The following METTL15 variants were observed in gnomAD, a reference collection of about 807,000 sequenced individuals.
The protein encoded by METTL15 is methyltransferase 15, mitochondrial 12S rRNA N4-cytidine.
A neutral mutation model predicts 38.3 loss-of-function variants in METTL15; 34 were observed. The observed-to-expected ratio is 0.89, with a 90% CI of 0.68 to 1.18. METTL15 has a LOEUF of 1.18. Ranked by LOEUF, METTL15 falls within the 50% of genes most tolerant of loss-of-function variation. METTL15 has a pLI of 0.00. For synonymous variants in METTL15, 162 were observed against 170.9 expected (o/e 0.95, Z 0.41); for missense variants, 438 against 498.4 (o/e 0.88, Z 1.15).
At chr11:28,519,983 T>G (rs1256735769) in intron 6 of METTL15, among the ~76,000 whole-genome samples, 2 of 152,112 alleles carry the variant, frequency 1.3e-5, no homozygotes, top group African/African-American at 4.8e-5. Flanking sequence ...AAAGCACCAG[T>G]TTTTAGCATA....
At chr11:28,232,595 A>G (rs963987600) in intron 4 of METTL15, among the ~76,000 whole-genome samples, 2 of 151,804 alleles carry the variant, frequency 1.3e-5, no homozygotes, top group Non-Finnish European at 2.9e-5. Flanking sequence ...ACGTTTATTT[A>G]TTTTGTGTCT....
At chr11:28,238,216 C>T (rs1332949244) in intron 4 of METTL15, among the ~76,000 whole-genome samples, 4 of 152,236 alleles carry the variant, frequency 2.6e-5, no homozygotes, top group Non-Finnish European at 4.4e-5. Context: ...GAGGTGGAGC[C>T]TACAGAGGCA....
chr11:28,171,472 C>A (rs748188589), intron 3 of METTL15, among the ~76,000 whole-genome samples: 2 of 152,068 alleles, frequency 1.3e-5, no homozygotes, highest in Non-Finnish European at 2.9e-5. Context: ...TTTTTAAAAA[C>A]GTAACTGGAA....
chr11:28,286,641 G>C (rs1856274153), intron 4 of METTL15, among the ~76,000 whole-genome samples: 1 of 152,102 alleles, frequency 6.6e-6, no homozygotes, highest in South Asian at 2.1e-4. Context: ...TAACAAAACA[G>C]TAGTGAGTTC....
intron 6 of METTL15, among the ~76,000 whole-genome samples, chr11:28,312,968 G>GC (rs1015728858): frequency 4.2e-5 from 6 of 143,484 alleles, no homozygotes; most frequent in South Asian, 2.2e-4. Flanking sequence ...CATAGGACTT[G>GC]TTTTTTTTTT....
At chr11:28,287,156 ATGTGTG>A (rs150235421) in intron 4 of METTL15, 6,089 of 140,540 alleles carry the variant, frequency 0.043, 254 homozygotes, top group African/African-American at 0.11. Context: ...GAGAGAGACA[ATGTGTG>A]TGTGTGTGTG....
chr11:28,312,105 T>C (rs894267357), intron 6 of METTL15, among the ~76,000 whole-genome samples: 1 of 152,214 alleles, frequency 6.6e-6, no homozygotes, highest in South Asian at 2.1e-4. Context: ...ACTCTTAGGA[T>C]AGGCGGCCAA....
At chr11:28,433,524 G>A (rs527273319) in intron 6 of METTL15, among the ~76,000 whole-genome samples, 7 of 152,212 alleles carry the variant, frequency 4.6e-5, no homozygotes, top group African/African-American at 1.4e-4. Flanking sequence ...TGTTTTCCAA[G>A]GATACTGTAA....
chr11:28,299,260 A>G (rs949492079), intron 6 of METTL15, among the ~76,000 whole-genome samples: 4 of 150,454 alleles, frequency 2.7e-5, no homozygotes, highest in African/African-American at 9.8e-5. Flanking sequence ...AAAATGAAGT[A>G]AGCCTTTAAA....
chr11:28,223,505 A>C (rs918313335), intron 4 of METTL15, among the ~76,000 whole-genome samples: 1 of 152,200 alleles, frequency 6.6e-6, no homozygotes, highest in African/African-American at 2.4e-5. Flanking sequence ...TGCAACCTGT[A>C]GTAGGGCACA....
intron 3 of METTL15, among the ~76,000 whole-genome samples, chr11:28,184,225 A>AT (rs1473186448): frequency 4.0e-5 from 6 of 151,454 alleles, no homozygotes; most frequent in African/African-American, 1.2e-4. Flanking sequence ...GGATTCGTTG[A>AT]TTTTTTTGAA....
rs565303044 is a variant in METTL15 at position 28,157,767 on chromosome 11, G to A, written c.270+44163G>A. Among the ~76,000 whole-genome samples, 12 of 152,156 alleles carry A rather than the reference G, an allele frequency of 7.9e-5. No individual in the cohort carries two copies. In the South Asian group the frequency reaches 1.9e-3, roughly 24 times the overall value. On this transcript the variant is annotated intron_variant, in intron 3 of 6. Transcript: ENST00000407364. Reference sequence around the variant, plus strand: ...ATGAGGAAGTGGCGCAAATGCCCACGGTCCCCACTCCTGCCACCCAGCCTT... The same window carrying A: ...ATGAGGAAGTGGCGCAAATGCCCACAGTCCCCACTCCTGCCACCCAGCCTT...
At position 28,330,711 on chromosome 11, in the gene METTL15, A is replaced by T; in HGVS notation, c.1094A>T (p.Glu365Val). The T allele has an allele frequency of 1.3e-6, 2 of 1,551,556 alleles. No homozygotes were observed. The highest frequency in any genetic ancestry group is 1.7e-4 in the Middle Eastern group (1 of 5,986). ...GGTTCAGATCACGAAAACACGGAAG[A>T]AGTCTCTATGAGAAGAGCTCCTTTA... Reference protein sequence around the residue: ...QLGSDHENTEEVSMRRAPLMW... With the variant: ...QLGSDHENTEVVSMRRAPLMW... The change falls in exon 7 of 7, where the codon GAA (glutamate) becomes GTA (valine). Residue 365 changes from glutamate (E) to valine (V), a missense_variant. Physicochemically the swap from Glu to Val is moderately radical, Grantham distance 121 (BLOSUM62 -2). Transcript: ENST00000407364.
intron 5 of METTL15, among the ~76,000 whole-genome samples, chr11:28,377,396 C>G (rs1481803255): frequency 1.3e-5 from 2 of 152,146 alleles, no homozygotes; most frequent in Non-Finnish European, 2.9e-5. Flanking sequence ...CTTCTCGCTT[C>G]ATTTCATTCA....
chr11:28,207,434 C>T (rs1444729968), intron 3 of METTL15, among the ~76,000 whole-genome samples: 1 of 152,050 alleles, frequency 6.6e-6, no homozygotes, highest in Non-Finnish European at 1.5e-5. Context: ...TATGTTGAAC[C>T]AGCCTTGCAT....
At chr11:28,386,329 C>G (rs1230247648) in intron 5 of METTL15, among the ~76,000 whole-genome samples, 3 of 151,798 alleles carry the variant, frequency 2.0e-5, no homozygotes, top group Admixed American at 6.6e-5. Flanking sequence ...CAAAATCCGA[C>G]TATAAGCTGT....
intron 6 of METTL15, among the ~76,000 whole-genome samples, chr11:28,509,432 A>G (rs934262343): frequency 1.3e-5 from 2 of 152,018 alleles, no homozygotes; most frequent in Non-Finnish European, 2.9e-5. Flanking sequence ...CAGTCCTGGA[A>G]TGGGTTTAAG....
chr11:28,310,923 G>A (rs184674884), intron 6 of METTL15, among the ~76,000 whole-genome samples: 1 of 93,750 alleles, frequency 1.1e-5, no homozygotes, highest in Non-Finnish European at 2.2e-5. Context: ...GCTGGTGGTG[G>A]TGGTGGTGGT....
chr11:28,322,086 A>G (rs903452361), intron 6 of METTL15, among the ~76,000 whole-genome samples: 2 of 152,044 alleles, frequency 1.3e-5, no homozygotes, highest in African/African-American at 2.4e-5. Context: ...CCAGAAATAT[A>G]TCAAAAAATA....
Sources: allele counts gnomAD v4.1 joint callset (sites outside exome capture counted in the v4.1 genomes callset), GRCh38; gene constraint gnomAD v4.1.1; transcripts MANE v1.5; gene names NCBI Gene and HGNC (gene_info 2026-07-23, HGNC 2026-07-21).